The following GREM1 variants were observed in gnomAD, a reference collection of about 807,000 sequenced individuals.
GREM1 encodes gremlin 1, DAN family BMP antagonist, also known as gremlin-1.
In GREM1, 6 loss-of-function variants were observed where a neutral mutation model predicts 13.1. The observed-to-expected ratio is 0.46, with a 90% confidence interval of 0.25 to 0.91. The LOEUF (loss-of-function observed/expected upper bound fraction) is 0.91. Among genes scored for constraint, GREM1 ranks in the 40% least tolerant of loss-of-function variants. GREM1 has a pLI of 0.18. For synonymous variants in GREM1, 98 were observed against 93.7 expected (o/e 1.05, Z -0.27); for missense variants, 185 against 233.9 (o/e 0.79, Z 1.36).
rs1328520403 is a variant in GREM1, at chr15:32,738,358, TTGAA to T, written c.*7115_*7118del. 6.6e-6 allele frequency: 1 copy of T among 151,830 alleles called. No homozygotes were observed. Among genetic ancestry groups the T allele is most frequent in the Non-Finnish European group, 1.5e-5 (1 of 67,960 alleles). The allele number at this position is 151,830 out of a possible 1,614,324, so 9.4% of individuals were successfully genotyped here. A position where few individuals can be genotyped will look rare whatever the true frequency, so the allele number is the denominator to read the frequency against. ...AATAAAATTAAGAAAATAGCACCCT[TTGAA>T]TAGTATCAAAAAGAATAAAATACAT... On this transcript the variant is annotated 3_prime_UTR_variant, in exon 2 of 2. Transcript: ENST00000651154.
chr15:32,738,125 A>AAAAAAAAAAAAAAAAACCAAAC lies in GREM1; in HGVS notation c.*6888_*6889insAAAAAAAACCAAACAAAAAAAA. 3.6e-5 allele frequency: 1 copy of AAAAAAAAAAAAAAAAACCAAAC among 27,966 alleles called. No homozygotes were observed. The highest frequency in any genetic ancestry group is 1.5e-4 in the African/African-American group (1 of 6,582). 1.7% of individuals were successfully genotyped at this position (27,966 alleles called of 1,614,324 possible). ...AAAAAAAAAAAAAAAAAAAAAAAAA[A>AAAAAAAAAAAAAAAAACCAAAC]AAAAAAAAGAAAAGAAAAAAGTCAT... On this transcript the variant is annotated 3_prime_UTR_variant, in exon 2 of 2. Transcript: ENST00000651154.
intron 1 of GREM1, 97 bp downstream of exon 1, chr15:32,718,258 C>T (rs1184101192): frequency 2.6e-5 from 26 of 983,166 alleles, no homozygotes; most frequent in Non-Finnish European, 3.5e-5. Context: ...CGGCAGCCCT[C>T]CGTGCGCGCA....
Position 32,731,641 on chromosome 15 carries a change from G to A in GREM1, c.*396G>A, listed in dbSNP as rs2055621346. The A allele has an allele frequency of 1.7e-5, 5 of 299,392 alleles. No homozygotes were observed. The highest frequency in any genetic ancestry group is 3.3e-5 in the Non-Finnish European group (5 of 152,214). 18.5% of individuals were successfully genotyped at this position (299,392 alleles called of 1,614,324 possible). The stretch of plus-strand genomic sequence containing the variant: ...ATGTTCATGGAAGAGGCTCCTCTGA[G>A]GGCAAGAGACCTGTTTTAGTGCTGC... On this transcript the variant is annotated 3_prime_UTR_variant, in exon 2 of 2. Coordinates refer to ENST00000651154, the MANE Select transcript of GREM1 (RefSeq NM_013372.7).
chr15:32,718,474 A>G (rs988499712), intron 1 of GREM1: 47 of 465,948 alleles, frequency 1.0e-4, no homozygotes, highest in Non-Finnish European at 1.9e-4. Flanking sequence ...TGGTGGCAGC[A>G]GCGCCTGGCA....
Position 32,735,524 on chromosome 15 carries a change from A to AT in GREM1, c.*4281dup, listed in dbSNP as rs1197639799. On this transcript the variant is annotated 3_prime_UTR_variant, in exon 2 of 2. Coordinates refer to ENST00000651154, the MANE Select transcript of GREM1 (RefSeq NM_013372.7). ...GCACTCTAAAAATAGATCTAACTAG[A>AT]TTGTTCACATCTAGCGATTAAGGCC... is the stretch of plus-strand genomic sequence containing the variant. 6.6e-6 allele frequency: 1 copy of AT among 152,186 alleles called. No homozygotes were observed. Among genetic ancestry groups the AT allele is most frequent in the East Asian group, 1.9e-4 (1 of 5,190 alleles). 9.4% of individuals were successfully genotyped at this position (152,186 alleles called of 1,614,324 possible).
At chr15:32,726,699 A>C (rs1177811611) in intron 1 of GREM1, among the ~76,000 whole-genome samples, 1 of 114,608 alleles carries the variant, frequency 8.7e-6, no homozygotes, top group Non-Finnish European at 1.8e-5. Context: ...AAATCAATGA[A>C]CCCAGGAGCT....
chr15:32,730,360 A>G (rs2055593909), intron 1 of GREM1, among the ~76,000 whole-genome samples: 1 of 152,194 alleles, frequency 6.6e-6, no homozygotes, highest in African/African-American at 2.4e-5. Context: ...GTTCCCCTCA[A>G]TAAGTGAACG....
At position 32,733,765 on chromosome 15, in the gene GREM1, G is replaced by C. The variant is rs2055660241; in HGVS notation, c.*2520G>C. On this transcript the variant is annotated 3_prime_UTR_variant, in exon 2 of 2. Coordinates refer to ENST00000651154, the MANE Select transcript of GREM1 (RefSeq NM_013372.7). ...ATATTTTTATGGCAAGATATTTGTG[G>C]TCTTGATCATACCTATTAAAATAAT... is the stretch of plus-strand genomic sequence containing the variant. The C allele has an allele frequency of 8.5e-6, 2 of 234,938 alleles. No homozygotes were observed. Among genetic ancestry groups the C allele is most frequent in the Middle Eastern group, 1.4e-3 (1 of 708 alleles). The allele number at this position is 234,938 out of a possible 1,614,324, so 14.6% of individuals were successfully genotyped here.
In GREM1 at chr15:32,738,097, A is replaced by C. The variant is rs1595857232; in HGVS notation, c.*6852A>C. On this transcript the variant is annotated 3_prime_UTR_variant, in exon 2 of 2. Coordinates refer to ENST00000651154, the MANE Select transcript of GREM1 (RefSeq NM_013372.7). ...GGGTAATTAGGCAAAAAAAAAAAAA[A>C]AAAAAAAAAAAAAAAAAAAAAAAAA... is the stretch of plus-strand genomic sequence containing the variant. 5 of 63,806 alleles carry C rather than the reference A, an allele frequency of 7.8e-5. No individual in the cohort carries two copies. Among genetic ancestry groups the C allele is most frequent in the South Asian group, 4.0e-4 (1 of 2,514 alleles). 4.0% of individuals were successfully genotyped at this position (63,806 alleles called of 1,614,324 possible).
In GREM1 at chr15:32,733,986, A is replaced by G. The variant is rs983753385; in HGVS notation, c.*2741A>G. 8 of 241,354 alleles carry G rather than the reference A, an allele frequency of 3.3e-5. No individual in the cohort carries two copies. Among genetic ancestry groups the G allele is most frequent in the Non-Finnish European group, 6.1e-5 (7 of 114,054 alleles). The allele number at this position is 241,354 out of a possible 1,614,324, so 15.0% of individuals were successfully genotyped here. A position where few individuals can be genotyped will look rare whatever the true frequency, so the allele number is the denominator to read the frequency against. On this transcript the variant is annotated 3_prime_UTR_variant, in exon 2 of 2. Transcript: ENST00000651154. Reference sequence around the variant, plus strand: ...AATAGTTAAATGAAAAGTTATGGTTATTTAATGTAATTATTACTTCAAATC... The same window carrying G: ...AATAGTTAAATGAAAAGTTATGGTTGTTTAATGTAATTATTACTTCAAATC...
chr15:32,723,838 G>A (rs1567109238), intron 1 of GREM1, among the ~76,000 whole-genome samples: 1 of 152,134 alleles, frequency 6.6e-6, no homozygotes, highest in Non-Finnish European at 1.5e-5. Flanking sequence ...TATGAGAACA[G>A]GTAAAAAGTC....
rs2055754836 is a variant in GREM1, at chr15:32,740,842, A to C, written c.*9597A>C. On this transcript the variant is annotated 3_prime_UTR_variant, in exon 2 of 2. Transcript: ENST00000651154. ...TCCCAGCCTCCATATTCAAATCTTA[A>C]GGAAAATTCTTATGGACTTAGCTTG... 6.6e-6 allele frequency: 1 copy of C among 152,196 alleles called. No homozygotes were observed. The highest frequency in any genetic ancestry group is 2.4e-5 in the African/African-American group (1 of 41,454). 9.4% of individuals were successfully genotyped at this position (152,196 alleles called of 1,614,324 possible). A position where few individuals can be genotyped will look rare whatever the true frequency, so the allele number is the denominator to read the frequency against.
chr15:32,719,780 C>A (rs1315941957), intron 1 of GREM1, among the ~76,000 whole-genome samples: 3 of 152,306 alleles, frequency 2.0e-5, no homozygotes, highest in South Asian at 4.1e-4. Context: ...AAATAAATAG[C>A]GTAGAAGAGG....
At chr15:32,719,237 C>T (rs146708309) in intron 1 of GREM1, among the ~76,000 whole-genome samples, 103 of 152,340 alleles carry the variant, frequency 6.8e-4, no homozygotes, top group Admixed American at 1.8e-3. Context: ...AGACTACAGA[C>T]TCCGGAAGAA....
At chr15:32,726,833 C>CTG (rs2055515996) in intron 1 of GREM1, among the ~76,000 whole-genome samples, 2 of 151,874 alleles carry the variant, frequency 1.3e-5, no homozygotes, top group Middle Eastern at 6.8e-3. Context: ...GATATCACCA[C>CTG]TGATCCCACA....
Position 32,719,650 on chromosome 15 carries a change from G to T in GREM1, c.-2+1489G>T, listed in dbSNP as rs8034965. Reference sequence around the variant, plus strand: ...TGCGCGTCTGTTTATGTTCCCCTTCGAGATGGTGCCAGGACACGAACTGAT... The same window carrying T: ...TGCGCGTCTGTTTATGTTCCCCTTCTAGATGGTGCCAGGACACGAACTGAT... On this transcript the variant is annotated intron_variant, in intron 1 of 1. Transcript: ENST00000651154. 0.27 allele frequency among the ~76,000 whole-genome samples: 40,688 copies of T among 151,968 alleles called. 6,337 individuals carry two copies. Among genetic ancestry groups the T allele is most frequent in the East Asian group, 0.69 (3,529 of 5,144 alleles).
rs984762857 is a variant in GREM1, at chr15:32,732,499, C to T, written c.*1254C>T. On this transcript the variant is annotated 3_prime_UTR_variant, in exon 2 of 2. Transcript: ENST00000651154. ...GGAGATTGGGCTAAAGAGAAGACGA[C>T]GAGAGTAAGGAAATAAAGGGAATTG... 4.9e-5 allele frequency: 12 copies of T among 245,140 alleles called. No individual in the cohort carries two copies. The highest frequency in any genetic ancestry group is 4.3e-4 in the East Asian group (7 of 16,220). The allele number at this position is 245,140 out of a possible 1,614,324, so 15.2% of individuals were successfully genotyped here. A position where few individuals can be genotyped will look rare whatever the true frequency, so the allele number is the denominator to read the frequency against.
intron 1 of GREM1, among the ~76,000 whole-genome samples, chr15:32,727,723 A>G (rs1173562619): frequency 6.6e-6 from 1 of 152,232 alleles, no homozygotes; most frequent in Non-Finnish European, 1.5e-5. Flanking sequence ...AGATGACATG[A>G]TTGTATATTT....
chr15:32,743,052 G>A lies in GREM1; in HGVS notation c.*11807G>A, dbSNP rs1045982060. On this transcript the variant is annotated 3_prime_UTR_variant, in exon 2 of 2. Coordinates refer to ENST00000651154, the MANE Select transcript of GREM1 (RefSeq NM_013372.7). ...ATTAAAATGTTTCTGCACAGCAAAC[G>A]ACCAACTGAATGAAAAGGCAATCTA... The A allele has an allele frequency of 7.2e-5, 11 of 152,264 alleles. No individual in the cohort carries two copies. The highest frequency in any genetic ancestry group is 1.9e-4 in the East Asian group (1 of 5,180). 9.4% of individuals were successfully genotyped at this position (152,264 alleles called of 1,614,324 possible). A position where few individuals can be genotyped will look rare whatever the true frequency, so the allele number is the denominator to read the frequency against.
Sources: gnomAD v4.1 joint callset for allele counts (sites outside exome capture counted in the v4.1 genomes callset) on GRCh38, gnomAD v4.1.1 for gene constraint, MANE v1.5 for transcripts, NCBI Gene and HGNC (gene_info 2026-07-23, HGNC 2026-07-21) for gene names.